SHLD2: variants seen among roughly 807,000 people sequenced by gnomAD.
SHLD2 encodes the protein RINN1-REV7-interacting novel NHEJ regulator 2.
Under a neutral mutation model 73.2 loss-of-function variants are expected in SHLD2, and 30 were observed. That is an observed-to-expected ratio of 0.41 (90% CI 0.31 to 0.56). The LOEUF is 0.56. Among genes scored for constraint, SHLD2 ranks in the 20% least tolerant of loss-of-function variants. The pLI, the probability that SHLD2 is intolerant of heterozygous loss-of-function variation, is 0.28. For missense variants in SHLD2, 745 were observed against 1,055.9 expected, an observed-to-expected ratio of 0.71 and a Z score of 4.08; for synonymous variants, 285 against 370.1, an observed-to-expected ratio of 0.77 and a Z score of 2.64.
chr10:87,111,196 A>G (rs1842897925), intron 2 of SHLD2, among the ~76,000 whole-genome samples: 1 of 149,726 alleles, frequency 6.7e-6, no homozygotes, highest in South Asian at 2.1e-4. Context: ...GGGTCTCATC[A>G]TGTTGCCCAG....
intron 2 of SHLD2, among the ~76,000 whole-genome samples, chr10:87,108,215 A>G (rs1264864204): frequency 1.3e-5 from 2 of 152,024 alleles, no homozygotes; most frequent in African/African-American, 4.8e-5. Context: ...ACACCAGGCC[A>G]ATTTTGTGTT....
At chr10:87,138,868 T>A (rs1314316101) in intron 2 of SHLD2, among the ~76,000 whole-genome samples, 2 of 152,140 alleles carry the variant, frequency 1.3e-5, no homozygotes, top group South Asian at 2.1e-4. Flanking sequence ...ATAACTGATA[T>A]GAACCCTACA....
At chr10:87,132,841 T>C (rs569404110) in intron 2 of SHLD2, among the ~76,000 whole-genome samples, 1 of 152,356 alleles carries the variant, frequency 6.6e-6, no homozygotes, top group East Asian at 1.9e-4. Context: ...TATAGAATCC[T>C]ATCTAATATT....
chr10:87,154,946 T>C (rs1319420615), intron 3 of SHLD2, among the ~76,000 whole-genome samples: 1 of 152,068 alleles, frequency 6.6e-6, no homozygotes, highest in Non-Finnish European at 1.5e-5. Flanking sequence ...ATCTTTTTTG[T>C]TTTTTTGAGA....
chr10:87,137,095 C>T (rs1844852989), intron 2 of SHLD2, among the ~76,000 whole-genome samples: 1 of 151,890 alleles, frequency 6.6e-6, no homozygotes, highest in Non-Finnish European at 1.5e-5. Context: ...AGTTACAAGA[C>T]ACAAGAAAAG....
intron 2 of SHLD2, among the ~76,000 whole-genome samples, chr10:87,123,440 T>C (rs1159343852): frequency 6.6e-6 from 1 of 152,056 alleles, no homozygotes; most frequent in African/African-American, 2.4e-5. Context: ...TAGCTGGAAC[T>C]ACAGGTGTGC....
chr10:87,187,865 G>A (rs1288558561), intron 9 of SHLD2, among the ~76,000 whole-genome samples: 1 of 152,146 alleles, frequency 6.6e-6, no homozygotes, highest in East Asian at 1.9e-4. Flanking sequence ...TGAGGGGTGA[G>A]CAGGATGGTC....
chr10:87,184,324 T>C (rs1298377594), intron 8 of SHLD2, among the ~76,000 whole-genome samples: 1 of 151,944 alleles, frequency 6.6e-6, no homozygotes, highest in African/African-American at 2.4e-5. Flanking sequence ...AGCAGGGGCA[T>C]TGTTGACATT....
chr10:87,171,213 G>A (rs892635503), intron 6 of SHLD2, among the ~76,000 whole-genome samples: 2 of 151,968 alleles, frequency 1.3e-5, no homozygotes, highest in Non-Finnish European at 2.9e-5. Context: ...TTATTCCCAG[G>A]TATACTACTT....
chr10:87,095,348 C>T (rs1841750398), intron 1 of SHLD2, 100 bp downstream of exon 1: 1 of 151,982 alleles, frequency 6.6e-6, no homozygotes, highest in Admixed American at 6.5e-5. Flanking sequence ...CCGAGTCCCC[C>T]CGAGCGCCGC....
At chr10:87,137,139 T>C (rs879517386) in intron 2 of SHLD2, among the ~76,000 whole-genome samples, 8 of 151,978 alleles carry the variant, frequency 5.3e-5, no homozygotes, top group Non-Finnish European at 8.8e-5. Context: ...AGAGAAGAAA[T>C]AGTCAGTAGA....
At chr10:87,169,372 G>A (rs941621792) in intron 4 of SHLD2, among the ~76,000 whole-genome samples, 8 of 152,026 alleles carry the variant, frequency 5.3e-5, no homozygotes, top group Non-Finnish European at 1.2e-4. Context: ...TGAATTTTAT[G>A]TGTGTGTGAG....
chr10:87,127,036 G>C (rs1844057534), intron 2 of SHLD2, among the ~76,000 whole-genome samples: 1 of 152,040 alleles, frequency 6.6e-6, no homozygotes, highest in Non-Finnish European at 1.5e-5. Context: ...CAAAATAAGT[G>C]GTTGAAAGTC....
At chr10:87,149,493 TG>T (rs1040845139) in intron 2 of SHLD2, among the ~76,000 whole-genome samples, 1 of 151,764 alleles carries the variant, frequency 6.6e-6, no homozygotes, top group Admixed American at 6.6e-5. Context: ...GAGGCCAAGG[TG>T]GGTGGATCAC....
chr10:87,133,935 T>C (rs868369529), intron 2 of SHLD2, among the ~76,000 whole-genome samples: 4 of 152,138 alleles, frequency 2.6e-5, no homozygotes, highest in African/African-American at 9.7e-5. Flanking sequence ...ATAAGAAAAA[T>C]AAAATTCCTG....
intron 2 of SHLD2, among the ~76,000 whole-genome samples, chr10:87,147,056 C>CAAAAAAAA (rs1237507855): frequency 1.6e-4 from 7 of 43,678 alleles, no homozygotes; most frequent in African/African-American, 2.8e-4. Context: ...GACTCTGTCT[C>CAAAAAAAA]AAAAAAAAAA....
chr10:87,189,432 T>C (rs1011374770), intron 9 of SHLD2, among the ~76,000 whole-genome samples: 2 of 152,262 alleles, frequency 1.3e-5, no homozygotes, highest in African/African-American at 4.8e-5. Flanking sequence ...ATTAATTAGA[T>C]TGTGATCATA....
chr10:87,159,294 C>G (rs556383496), intron 4 of SHLD2, among the ~76,000 whole-genome samples: 17 of 152,218 alleles, frequency 1.1e-4, no homozygotes, highest in Non-Finnish European at 1.9e-4. Context: ...GGTGGCCCAT[C>G]AGCAGAAAAC....
At chr10:87,154,078 C>T (rs1846204054) in intron 3 of SHLD2, 1 of 152,130 alleles carries the variant, frequency 6.6e-6, no homozygotes, top group South Asian at 2.1e-4. Context: ...GGCTGATCTC[C>T]AACTCCTGGG....
Sources: gnomAD v4.1 joint callset for allele counts (sites outside exome capture counted in the v4.1 genomes callset) on GRCh38, gnomAD v4.1.1 for gene constraint, MANE v1.5 for transcripts, NCBI Gene and HGNC (gene_info 2026-07-23, HGNC 2026-07-21) for gene names.